The following ABCA12 variants were observed in gnomAD, a reference collection of about 807,000 sequenced individuals.
ABCA12 encodes glucosylceramide transporter ABCA12.
Under a neutral mutation model 293.5 loss-of-function variants are expected in ABCA12, and 156 were observed. The ratio of observed to expected loss-of-function variants is 0.53; its 90% CI spans 0.47 to 0.61. ABCA12 has a LOEUF of 0.61. ABCA12 is among the 20% of genes least tolerant of loss of function. The probability of loss-of-function intolerance (pLI) is 0.00; values close to 1 mark genes in which losing one functional copy is unlikely to be tolerated. For synonymous variants in ABCA12, 1,063 were observed against 1,108.0 expected (o/e 0.96, Z 0.81); for missense variants, 2,797 against 3,090.2 (o/e 0.91, Z 2.25).
At chr2:215,124,514 T>A (rs1476693039) in intron 1 of ABCA12, among the ~76,000 whole-genome samples, 1 of 152,212 alleles carries the variant, frequency 6.6e-6, no homozygotes, top group African/African-American at 2.4e-5. Flanking sequence ...AGTGAAGCGG[T>A]ATCACATTGT....
chr2:215,067,890 AT>A (rs534545704), intron 2 of ABCA12, among the ~76,000 whole-genome samples: 112 of 152,176 alleles, frequency 7.4e-4, no homozygotes, highest in Non-Finnish European at 1.2e-3. Context: ...AGTAAATCAG[AT>A]TCATTTTTCA....
At chr2:215,105,940 C>T (rs1421233089) in intron 2 of ABCA12, among the ~76,000 whole-genome samples, 1 of 152,086 alleles carries the variant, frequency 6.6e-6, no homozygotes, top group African/African-American at 2.4e-5. Flanking sequence ...AACAAAAAAA[C>T]CTATGTAAAT....
At chr2:214,950,102 C>G (rs182052329) in intron 45 of ABCA12, among the ~76,000 whole-genome samples, 1 of 151,972 alleles carries the variant, frequency 6.6e-6, no homozygotes, top group Non-Finnish European at 1.5e-5. Flanking sequence ...AAACAATACA[C>G]GATAACAACT....
chr2:215,123,357 T>C (rs888711798), intron 1 of ABCA12, among the ~76,000 whole-genome samples: 2 of 151,784 alleles, frequency 1.3e-5, no homozygotes, highest in African/African-American at 2.4e-5. Context: ...TTTTAGTAGA[T>C]ATGGGGTTTC....
At chr2:214,971,186 A>T (rs922037099) in intron 36 of ABCA12, among the ~76,000 whole-genome samples, 1 of 152,168 alleles carries the variant, frequency 6.6e-6, no homozygotes, top group Non-Finnish European at 1.5e-5. Context: ...GCACGTTTTT[A>T]TAGTGCCACC....
chr2:215,027,333 A>G (rs1389801526), intron 9 of ABCA12, among the ~76,000 whole-genome samples: 2 of 151,882 alleles, frequency 1.3e-5, no homozygotes, highest in African/African-American at 4.8e-5. Context: ...GCGACAGAGC[A>G]AGACTCCATC....
intron 1 of ABCA12, among the ~76,000 whole-genome samples, chr2:215,123,493 G>C (rs57503589): frequency 0.082 from 12,526 of 152,162 alleles, 1,195 homozygotes; most frequent in African/African-American, 0.23. Context: ...TTTATCCAAT[G>C]AACTGTTGGC....
intron 24 of ABCA12, 129 bp downstream of exon 24, chr2:214,990,573 A>T: frequency 1.1e-6 from 1 of 919,540 alleles, no homozygotes. Flanking sequence ...TTAGGACATT[A>T]AGCTTACTTT....
intron 9 of ABCA12, 115 bp downstream of exon 9, chr2:215,031,706 G>A (rs1006939265): frequency 3.0e-6 from 4 of 1,311,884 alleles, no homozygotes; most frequent in Non-Finnish European, 4.4e-6. Flanking sequence ...TCAGTCAATA[G>A]TTGATTTTTC....
At chr2:214,966,823 G>C in intron 39 of ABCA12, 25 bp downstream of exon 39, 1 of 1,604,606 alleles carries the variant, frequency 6.2e-7, no homozygotes, top group Non-Finnish European at 8.5e-7. Flanking sequence ...TGCAATACAG[G>C]ACACTTTTGT....
At chr2:215,094,602 C>T (rs113181502) in intron 2 of ABCA12, among the ~76,000 whole-genome samples, 1,985 of 152,286 alleles carry the variant, frequency 0.013, 31 homozygotes, top group Non-Finnish European at 0.021. Context: ...CTCTCATTTC[C>T]TTTAAGACGT....
chr2:215,137,619 C>T (rs1338000186), intron 1 of ABCA12, among the ~76,000 whole-genome samples: 1 of 152,104 alleles, frequency 6.6e-6, no homozygotes, highest in East Asian at 1.9e-4. Context: ...GTTTGGTATT[C>T]CCAGTAAATG....
intron 2 of ABCA12, among the ~76,000 whole-genome samples, chr2:215,103,267 CTTT>C (rs72000528): frequency 7.4e-5 from 9 of 122,404 alleles, no homozygotes; most frequent in Non-Finnish European, 9.9e-5. Context: ...AAATTTCTTT[CTTT>C]TTTTTTTTTT....
At chr2:215,078,434 C>G (rs1028243997) in intron 2 of ABCA12, among the ~76,000 whole-genome samples, 2 of 152,190 alleles carry the variant, frequency 1.3e-5, no homozygotes, top group Non-Finnish European at 2.9e-5. Flanking sequence ...TGTATGGATG[C>G]TATCATAGAA....
At chr2:215,075,847 G>A (rs990096394) in intron 2 of ABCA12, 16 of 396,036 alleles carry the variant, frequency 4.0e-5, no homozygotes, top group African/African-American at 6.3e-5. Flanking sequence ...CTAAAAGCCA[G>A]TGAAATTTAT....
intron 5 of ABCA12, chr2:215,050,687 A>G (rs1701302690): frequency 2.9e-6 from 2 of 696,650 alleles, no homozygotes; most frequent in Non-Finnish European, 3.5e-6. Flanking sequence ...CTCAAATTCT[A>G]AAAGTAATGG....
chr2:214,983,538 T>G, intron 29 of ABCA12, 109 bp downstream of exon 29: 1 of 987,426 alleles, frequency 1.0e-6, no homozygotes, highest in Non-Finnish European at 1.6e-6. Flanking sequence ...AAGTAATTAT[T>G]TCGTGAGAAA....
intron 2 of ABCA12, among the ~76,000 whole-genome samples, chr2:215,099,790 C>T (rs1424421035): frequency 2.0e-5 from 3 of 151,762 alleles, no homozygotes; most frequent in African/African-American, 7.3e-5. Flanking sequence ...TGTTATAGAG[C>T]AACAGATAAC....
At chr2:214,985,553 A>G (rs1699766453) in intron 28 of ABCA12, among the ~76,000 whole-genome samples, 1 of 152,202 alleles carries the variant, frequency 6.6e-6, no homozygotes, top group Non-Finnish European at 1.5e-5. Context: ...TGAACTTAAA[A>G]TAAAAGTTAA....
Sources: allele counts gnomAD v4.1 joint callset (sites outside exome capture counted in the v4.1 genomes callset), GRCh38; gene constraint gnomAD v4.1.1; transcripts MANE v1.5; gene names NCBI Gene and HGNC (gene_info 2026-07-23, HGNC 2026-07-21).